Variants in CRACD observed in about 807,000 individuals in gnomAD.
The protein encoded by CRACD is capping protein inhibiting regulator of actin dynamics.
CRACD carries 56 observed loss-of-function variants against 106.8 expected under a neutral mutation model. The ratio of observed to expected loss-of-function variants is 0.52; its 90% confidence interval spans 0.42 to 0.66. The LOEUF is 0.66. Among genes scored for constraint, CRACD ranks in the 30% least tolerant of loss-of-function variants. The probability of loss-of-function intolerance (pLI) is 0.00; values close to 1 mark genes in which losing one functional copy is unlikely to be tolerated. For missense variants in CRACD, 1,730 were observed against 1,623.2 expected (o/e 1.07, Z -1.13); for synonymous variants, 754 against 670.8 (o/e 1.12, Z -1.92).
At chr4:56,117,139 G>A (rs1278135440) in intron 1 of CRACD, among the ~76,000 whole-genome samples, 1 of 149,380 alleles carries the variant, frequency 6.7e-6, no homozygotes, top group East Asian at 2.0e-4. Context: ...TCCCACCTTA[G>A]CCTCCTGAGT....
rs80280285 is a variant in CRACD at position 56,319,115 on chromosome 4, A to G, written c.3187+2426A>G. Among the ~76,000 whole-genome samples, 1,298 of 152,272 alleles carry G rather than the reference A, an allele frequency of 8.5e-3. 16 individuals are homozygous for G. The highest frequency in any genetic ancestry group is 0.029 in the African/African-American group (1,219 of 41,534). Reference sequence around the variant, plus strand: ...AGGGATCATTTAGTTAAAAGGAGATATAAACTCGCCAAACTGCAGAACCTC... The same window carrying G: ...AGGGATCATTTAGTTAAAAGGAGATGTAAACTCGCCAAACTGCAGAACCTC... On this transcript the variant is annotated intron_variant, in intron 8 of 10. Transcript: ENST00000682029.
chr4:56,101,636 A>G (rs1733777683), intron 1 of CRACD, among the ~76,000 whole-genome samples: 2 of 151,774 alleles, frequency 1.3e-5, no homozygotes, highest in African/African-American at 4.8e-5. Context: ...GGTGGTGGGC[A>G]TCTGTAATCC....
intron 2 of CRACD, among the ~76,000 whole-genome samples, chr4:56,255,855 C>T (rs1354528109): frequency 1.3e-5 from 2 of 152,210 alleles, no homozygotes; most frequent in Non-Finnish European, 2.9e-5. Flanking sequence ...GGCCCATTTA[C>T]CTTGTAACCA....
chr4:56,196,249 G>T (rs568940340), intron 2 of CRACD: 3 of 152,680 alleles, frequency 2.0e-5, no homozygotes, highest in Non-Finnish European at 4.4e-5. Flanking sequence ...CAGAAATGGA[G>T]GATACAGGAC....
At chr4:56,219,381 T>C (rs750373144) in intron 2 of CRACD, among the ~76,000 whole-genome samples, 1 of 152,214 alleles carries the variant, frequency 6.6e-6, no homozygotes, top group African/African-American at 2.4e-5. Flanking sequence ...AGAGTCTTGC[T>C]CTTTCGCCCA....
intron 2 of CRACD, among the ~76,000 whole-genome samples, chr4:56,243,763 CG>C (rs1740508024): frequency 6.6e-6 from 1 of 152,056 alleles, no homozygotes; most frequent in Non-Finnish European, 1.5e-5. Context: ...ATTTATCCTT[CG>C]AGTTACAAAC....
Position 56,316,157 on chromosome 4 carries a change from A to C in CRACD, c.2655A>C (p.Ala885=). The C allele has an allele frequency of 6.2e-7, 1 of 1,614,188 alleles. No homozygotes were observed. The highest frequency in any genetic ancestry group is 8.5e-7 in the Non-Finnish European group (1 of 1,180,018). The part of the protein sequence containing the change: ...TGDSADAGPP[A]AGSARGEKEM... ...ACAGCGCGGATGCAGGGCCGCCTGCAGCGGGGAGCGCTCGTGGAGAGAAAG... is the reference window on the plus strand; with the variant it reads ...ACAGCGCGGATGCAGGGCCGCCTGCCGCGGGGAGCGCTCGTGGAGAGAAAG... The change falls in exon 8 of 11, where the codon GCA becomes GCC. Residue 885 remains alanine, a synonymous_variant. Transcript: ENST00000682029.
chr4:56,241,999 A>C (rs982276634), intron 2 of CRACD, among the ~76,000 whole-genome samples: 3 of 152,194 alleles, frequency 2.0e-5, no homozygotes, highest in Non-Finnish European at 2.9e-5. Context: ...ATTGTTAAAA[A>C]TTTTTTATAT....
chr4:56,049,567 G>A (rs1272688839), intron 1 of CRACD, among the ~76,000 whole-genome samples: 1 of 152,252 alleles, frequency 6.6e-6, no homozygotes, highest in Middle Eastern at 3.4e-3. Context: ...CTGCACCCCG[G>A]GAACTTGCGG....
At chr4:56,303,712 G>A (rs1328893045) in intron 4 of CRACD, among the ~76,000 whole-genome samples, 1 of 152,224 alleles carries the variant, frequency 6.6e-6, no homozygotes, top group Non-Finnish European at 1.5e-5. Flanking sequence ...GCCTGTAGGG[G>A]CGAGGCCTTG....
chr4:56,060,856 A>G (rs1026199449), intron 1 of CRACD, among the ~76,000 whole-genome samples: 7 of 152,180 alleles, frequency 4.6e-5, no homozygotes, highest in African/African-American at 1.7e-4. Flanking sequence ...TGTGGGACAC[A>G]GCAAGAAGAC....
chr4:56,100,609 C>T (rs1392247382), intron 1 of CRACD, among the ~76,000 whole-genome samples: 1 of 152,134 alleles, frequency 6.6e-6, no homozygotes, highest in African/African-American at 2.4e-5. Flanking sequence ...AAGGTCTTTA[C>T]AGAGGTAATT....
intron 3 of CRACD, among the ~76,000 whole-genome samples, chr4:56,279,353 A>G (rs1208930894): frequency 1.3e-5 from 2 of 152,166 alleles, no homozygotes; most frequent in Non-Finnish European, 2.9e-5. Context: ...CATCGGAGTG[A>G]ACAGGCAACC....
In CRACD at chr4:56,327,781, G is replaced by A. The variant is rs1000808410; in HGVS notation, c.3679G>A (p.Asp1227Asn). 3 of 1,613,980 alleles carry A rather than the reference G, an allele frequency of 1.9e-6. No individual in the cohort carries two copies. Among genetic ancestry groups the A allele is most frequent in the East Asian group, 2.2e-5 (1 of 44,896 alleles). ...CAAAAGGAAAGCAAAGGCTTGGAGC[G>A]ACTGTCCACAGATTATTAAGTAAAG... The part of the protein sequence containing the change: ...LAKRKAKAWS[D>N]CPQIIK The change falls in exon 11 of 11, where the codon GAC becomes AAC. Residue 1227 changes from aspartate (D) to asparagine (N), a missense_variant. Physicochemically the swap from Asp to Asn is conservative, Grantham distance 23. Coordinates refer to ENST00000682029, the MANE Select transcript of CRACD (RefSeq NM_001393381.1).
chr4:56,236,014 C>T (rs1347178124), intron 2 of CRACD, among the ~76,000 whole-genome samples: 2 of 152,100 alleles, frequency 1.3e-5, no homozygotes, highest in Non-Finnish European at 2.9e-5. Flanking sequence ...CTATTAAGAA[C>T]TGAATTGTAT....
chr4:56,099,225 T>C (rs1477657726), intron 1 of CRACD, among the ~76,000 whole-genome samples: 1 of 152,188 alleles, frequency 6.6e-6, no homozygotes, highest in Non-Finnish European at 1.5e-5. Context: ...ACACTGGACT[T>C]GTATTTGTCT....
At position 56,301,354 on chromosome 4, in the gene CRACD, C is replaced by T. The variant is rs553847719; in HGVS notation, c.120+3005C>T. On this transcript the variant is annotated intron_variant, in intron 4 of 10. Transcript: ENST00000682029. ...ATGCTTAGTAAGCAGCCTAAGAGAC[C>T]GCCCCCTTGTAGATGCCAGCATGGA... 1.5e-5 allele frequency: 9 copies of T among 610,400 alleles called. No homozygotes were observed. In the East Asian group the frequency reaches 4.9e-4, roughly 33 times the overall value. The allele number at this position is 610,400 out of a possible 1,614,324, so 37.8% of individuals were successfully genotyped here.
At chr4:56,151,151 C>A (rs2109890357) in intron 1 of CRACD, among the ~76,000 whole-genome samples, 1 of 152,286 alleles carries the variant, frequency 6.6e-6, no homozygotes, top group Admixed American at 6.5e-5. Flanking sequence ...CGCATGCCAC[C>A]AAGCCCAGCT....
chr4:56,231,782 T>C (rs1739636890), intron 2 of CRACD, among the ~76,000 whole-genome samples: 1 of 152,224 alleles, frequency 6.6e-6, no homozygotes, highest in Non-Finnish European at 1.5e-5. Context: ...TTTCTTGATC[T>C]GGATGCTGGT....
Sources: gnomAD v4.1 joint callset for allele counts (sites outside exome capture counted in the v4.1 genomes callset) on GRCh38, gnomAD v4.1.1 for gene constraint, MANE v1.5 for transcripts, NCBI Gene and HGNC (gene_info 2026-07-23, HGNC 2026-07-21) for gene names.